NOP14: variants seen among roughly 807,000 people sequenced by gnomAD.
NOP14 encodes the protein NOP14 nucleolar protein.
In NOP14, 57 loss-of-function variants were observed where a neutral mutation model predicts 101.6. That is an observed-to-expected ratio of 0.56 (90% CI 0.45 to 0.70). NOP14 has a LOEUF of 0.70. NOP14 is among the 30% of genes least tolerant of loss of function. The pLI, the probability that NOP14 is intolerant of heterozygous loss-of-function variation, is 0.00. For synonymous variants in NOP14, 428 were observed against 424.0 expected, an observed-to-expected ratio of 1.01 and a Z score of -0.12; for missense variants, 1,134 against 1,075.5, an observed-to-expected ratio of 1.05 and a Z score of -0.76.
At chr4:2,948,985 CCA>C (rs751867021) in intron 8 of NOP14, among the ~76,000 whole-genome samples, 4 of 152,062 alleles carry the variant, frequency 2.6e-5, no homozygotes, top group Non-Finnish European at 4.4e-5. Flanking sequence ...GCTAAAACAC[CCA>C]CAGTTTCAGA....
rs147257376 is a variant in NOP14, at chr4:2,956,635, C to T, written c.472+35G>A. ...AATGAACAGACTCTCCCTGACTCCACGCCCACAGGCCCGTGCACAGCACCC... is the reference window on the plus strand; with the variant it reads ...AATGAACAGACTCTCCCTGACTCCATGCCCACAGGCCCGTGCACAGCACCC... On this transcript the variant is annotated intron_variant, in intron 3 of 17. Transcript: ENST00000416614. 2.2e-3 allele frequency: 3,401 copies of T among 1,580,674 alleles called. 127 individuals carry two copies. In the Admixed American group the frequency reaches 0.059, roughly 27 times the overall value.
At chr4:2,941,980 T>C in intron 14 of NOP14, 1 of 642,804 alleles carries the variant, frequency 1.6e-6, no homozygotes, top group Non-Finnish European at 2.6e-6. Context: ...GGTTCCAAAT[T>C]ATGATTTGTG....
chr4:2,956,506 A>C (rs1024982171), intron 3 of NOP14, among the ~76,000 whole-genome samples, 164 bp downstream of exon 3: 10 of 152,200 alleles, frequency 6.6e-5, no homozygotes, highest in Non-Finnish European at 1.2e-4. Context: ...AAAAACAAAA[A>C]TACATAAAAA....
intron 11 of NOP14, among the ~76,000 whole-genome samples, chr4:2,945,739 A>C (rs1024641763): frequency 1.3e-5 from 2 of 152,264 alleles, no homozygotes; most frequent in Non-Finnish European, 2.9e-5. Flanking sequence ...ACCAGCCCAC[A>C]GGCTTGGGCC....
chr4:2,939,653 A>C lies in NOP14; in HGVS notation c.2200-8T>G. The C allele has an allele frequency of 6.2e-7, 1 of 1,607,202 alleles. No individual in the cohort carries two copies. Among genetic ancestry groups the C allele is most frequent in the Non-Finnish European group, 8.5e-7 (1 of 1,174,098 alleles). On this transcript the variant is annotated splice_polypyrimidine_tract_variant and splice_region_variant and intron_variant, in intron 15 of 17. Transcript: ENST00000416614. ...TGTGCTCTGACACAGCTCCTGAAAAACACGAAATCCCCGACTCTGCGATGA... is the reference window on the plus strand; with the variant it reads ...TGTGCTCTGACACAGCTCCTGAAAACCACGAAATCCCCGACTCTGCGATGA...
At chr4:2,954,377 G>C (rs770678989) in intron 4 of NOP14, 47 bp downstream of exon 4, 1 of 1,594,698 alleles carries the variant, frequency 6.3e-7, no homozygotes, top group Admixed American at 1.8e-5. Flanking sequence ...ATTTTGGTGA[G>C]CCTGTCTTAC....
chr4:2,960,990 GATATTATTTTAATATTATATCAATA>G (rs1715794226), intron 1 of NOP14, among the ~76,000 whole-genome samples: 1 of 6,238 alleles, frequency 1.6e-4, no homozygotes, highest in Admixed American at 2.4e-3. Context: ...ATATTATATC[GATATTATTTTAATATTATATCAATA>G]TTATTATATT....
At chr4:2,956,385 G>C (rs1462652115) in intron 3 of NOP14, among the ~76,000 whole-genome samples, 4 of 152,044 alleles carry the variant, frequency 2.6e-5, no homozygotes, top group African/African-American at 9.7e-5. Flanking sequence ...TGAGCTCATG[G>C]GTAGAACGAG....
intron 12 of NOP14, 71 bp downstream of exon 12, chr4:2,945,057 C>T: frequency 9.4e-7 from 1 of 1,066,524 alleles, no homozygotes. Context: ...TCCACAAGGC[C>T]CCGAGGGGCT....
Position 2,942,198 on chromosome 4 carries a change from T to C in NOP14, c.2045A>G (p.His682Arg), listed in dbSNP as rs1352433886. ...GCGGGGTCCCCTCACATACCGGATGTGATTGGCCTCTGTCGAAGTTGGGGC... is the reference window on the plus strand; with the variant it reads ...GCGGGGTCCCCTCACATACCGGATGCGATTGGCCTCTGTCGAAGTTGGGGC... Reference protein sequence around the residue: ...LRAPTSTEANHIRLSCLAVGL... With the variant: ...LRAPTSTEANRIRLSCLAVGL... Residue 682 changes from histidine to arginine, a missense_variant, in exon 14 of 18, where the codon CAC (histidine) becomes CGC (arginine). Transcript: ENST00000416614. 4 of 1,613,828 alleles carry C rather than the reference T, an allele frequency of 2.5e-6. No individual in the cohort carries two copies. In the African/African-American group the frequency reaches 5.3e-5, roughly 22 times the overall value.
intron 8 of NOP14, 145 bp downstream of exon 8, chr4:2,949,789 C>T: frequency 1.2e-6 from 1 of 862,330 alleles, no homozygotes; most frequent in Non-Finnish European, 1.8e-6. Flanking sequence ...GATCAGCAGA[C>T]ACAGGGGTGT....
At chr4:2,956,616 C>G (rs1336386908) in intron 3 of NOP14, 54 bp downstream of exon 3, 13 of 1,533,744 alleles carry the variant, frequency 8.5e-6, no homozygotes, top group African/African-American at 1.4e-5. Flanking sequence ...TAACAATGAA[C>G]AGACTCTCCC....
At chr4:2,942,022 GA>G in intron 14 of NOP14, 169 bp downstream of exon 14, 1 of 681,732 alleles carries the variant, frequency 1.5e-6, no homozygotes. Context: ...AAAATGAAAA[GA>G]AAAAGGGACA....
chr4:2,963,051 G>C, intron 1 of NOP14, 74 bp downstream of exon 1: 2 of 1,418,786 alleles, frequency 1.4e-6, no homozygotes, highest in Admixed American at 2.7e-5. Context: ...GACGCACCGA[G>C]AAGGACGCAG....
intron 1 of NOP14, among the ~76,000 whole-genome samples, chr4:2,959,549 T>G (rs533057816): frequency 6.6e-6 from 1 of 152,026 alleles, no homozygotes; most frequent in East Asian, 1.9e-4. Flanking sequence ...GCTGAGATTG[T>G]GCCACTGCAC....
chr4:2,950,335 C>T, intron 7 of NOP14, 122 bp from the exon 8 acceptor site: 1 of 1,036,302 alleles, frequency 9.6e-7, no homozygotes, highest in Non-Finnish European at 1.4e-6. Flanking sequence ...GGAACACAAA[C>T]CTGTGTGCTC....
At chr4:2,951,600 C>T (rs759172071) in intron 6 of NOP14, among the ~76,000 whole-genome samples, 33 of 152,150 alleles carry the variant, frequency 2.2e-4, no homozygotes, top group Non-Finnish European at 4.4e-4. Context: ...GAGCAAGCAG[C>T]TCCACGGCCT....
At chr4:2,946,162 C>T (rs1162273977) in intron 11 of NOP14, among the ~76,000 whole-genome samples, 4 of 136,356 alleles carry the variant, frequency 2.9e-5, no homozygotes, top group Admixed American at 1.4e-4. Context: ...CCCTCACTGC[C>T]GTGCACTCTC....
intron 12 of NOP14, 110 bp downstream of exon 12, chr4:2,945,018 C>T (rs1714509985): frequency 1.4e-6 from 1 of 739,214 alleles, no homozygotes; most frequent in Non-Finnish European, 2.3e-6. Context: ...TGCTCGGTCT[C>T]TGCAGCCCTT....
Sources: allele counts gnomAD v4.1 joint callset (sites outside exome capture counted in the v4.1 genomes callset), GRCh38; gene constraint gnomAD v4.1.1; transcripts MANE v1.5; gene names NCBI Gene and HGNC (gene_info 2026-07-23, HGNC 2026-07-21).